The following CACNA2D3 variants were observed in gnomAD, a reference collection of about 807,000 sequenced individuals.
The protein encoded by CACNA2D3 is voltage-dependent calcium channel subunit alpha-2/delta-3.
A neutral mutation model predicts 160.6 loss-of-function variants in CACNA2D3; 60 were observed. The observed-to-expected ratio is 0.37, with a 90% CI of 0.30 to 0.46. The LOEUF (loss-of-function observed/expected upper bound fraction) is 0.46. CACNA2D3 is among the 20% of genes least tolerant of loss of function. The pLI is 1.00. For missense variants in CACNA2D3, 1,205 were observed against 1,365.0 expected (o/e 0.88, Z 1.85); for synonymous variants, 558 against 492.9 (o/e 1.13, Z -1.75).
At chr3:55,051,775 C>T (rs1015146934) in intron 35 of CACNA2D3, among the ~76,000 whole-genome samples, 1 of 152,146 alleles carries the variant, frequency 6.6e-6, no homozygotes, top group Non-Finnish European at 1.5e-5. Flanking sequence ...GGCGTAGGAC[C>T]CTCCGAGCCA....
intron 32 of CACNA2D3, among the ~76,000 whole-genome samples, chr3:55,007,307 A>T: frequency 6.6e-6 from 1 of 152,230 alleles, no homozygotes; most frequent in East Asian, 1.9e-4. Flanking sequence ...TAAATCCTAC[A>T]TAATTCGTGG....
intron 2 of CACNA2D3, among the ~76,000 whole-genome samples, chr3:54,130,984 C>T (rs1699694143): frequency 6.6e-6 from 1 of 152,250 alleles, no homozygotes. Context: ...CCAGTACCTT[C>T]TATCTTATAG....
In CACNA2D3 at chr3:54,786,030, T is replaced by C. The variant is rs73061754; in HGVS notation, c.1380+21679T>C. Among the ~76,000 whole-genome samples, 312 of 152,312 alleles carry C rather than the reference T, an allele frequency of 2.0e-3. 3 individuals carry two copies. The highest frequency in any genetic ancestry group is 3.7e-3 in the Non-Finnish European group (249 of 68,028). ...GCCACCCTCTGCCATCATGGTCCTT[T>C]CTTGTTTCCTGGCTAACACTTACCT... On this transcript the variant is annotated intron_variant, in intron 13 of 37. Coordinates refer to ENST00000474759, the MANE Select transcript of CACNA2D3 (RefSeq NM_018398.3).
intron 5 of CACNA2D3, among the ~76,000 whole-genome samples, chr3:54,524,848 A>G (rs1268321902): frequency 6.6e-6 from 1 of 152,066 alleles, no homozygotes; most frequent in Non-Finnish European, 1.5e-5. Context: ...TGTTTCCATA[A>G]TACACTTTTC....
intron 35 of CACNA2D3, among the ~76,000 whole-genome samples, chr3:55,033,592 A>G (rs778762324): frequency 0.27 from 36,525 of 137,530 alleles, 4,958 homozygotes; most frequent in Admixed American, 0.33. Flanking sequence ...GTGTATATAT[A>G]TATATATATA....
intron 17 of CACNA2D3, among the ~76,000 whole-genome samples, chr3:54,860,561 A>G (rs1361561564): frequency 6.6e-6 from 1 of 152,230 alleles, no homozygotes; most frequent in Non-Finnish European, 1.5e-5. Context: ...ATATATTTAA[A>G]GGGAAGATTC....
chr3:54,268,766 G>A (rs1382448678), intron 2 of CACNA2D3, among the ~76,000 whole-genome samples: 1 of 152,100 alleles, frequency 6.6e-6, no homozygotes, highest in Non-Finnish European at 1.5e-5. Context: ...ACTTGTTCAG[G>A]GTCACCCAGC....
chr3:54,887,152 G>C (rs970693581), intron 23 of CACNA2D3, among the ~76,000 whole-genome samples: 1 of 152,078 alleles, frequency 6.6e-6, no homozygotes, highest in African/African-American at 2.4e-5. Flanking sequence ...TTGGCCGAGC[G>C]TGGTGGCTCA....
chr3:54,754,518 G>T (rs1252070340), intron 12 of CACNA2D3, among the ~76,000 whole-genome samples: 1 of 152,110 alleles, frequency 6.6e-6, no homozygotes, highest in Admixed American at 6.6e-5. Flanking sequence ...GGTCCTGTTG[G>T]CCTCCCTTCT....
At chr3:54,891,579 G>A (rs1165527836) in intron 25 of CACNA2D3, 129 bp downstream of exon 25, 6 of 714,486 alleles carry the variant, frequency 8.4e-6, no homozygotes, top group Non-Finnish European at 1.4e-5. Context: ...GGCCTATTGA[G>A]ATTTTTCCTC....
chr3:55,051,674 C>T (rs1358727389), intron 35 of CACNA2D3, among the ~76,000 whole-genome samples: 4 of 152,210 alleles, frequency 2.6e-5, no homozygotes, highest in Non-Finnish European at 4.4e-5. Flanking sequence ...CTAAGCAAGC[C>T]TGGGCAATGG....
chr3:54,139,539 A>T (rs1291787503), intron 2 of CACNA2D3, among the ~76,000 whole-genome samples: 2 of 152,164 alleles, frequency 1.3e-5, no homozygotes, highest in African/African-American at 2.4e-5. Flanking sequence ...TCATTCTTAG[A>T]GTTGTGTATG....
intron 10 of CACNA2D3, among the ~76,000 whole-genome samples, chr3:54,630,075 TTC>T (rs1194955666): frequency 6.6e-6 from 1 of 152,100 alleles, no homozygotes; most frequent in Admixed American, 6.5e-5. Flanking sequence ...GTGCGGAGCT[TTC>T]TTAGTGTAAT....
At chr3:54,297,716 A>C (rs1703373562) in intron 2 of CACNA2D3, among the ~76,000 whole-genome samples, 1 of 148,500 alleles carries the variant, frequency 6.7e-6, no homozygotes, top group East Asian at 1.9e-4. Flanking sequence ...CGCCACCAAA[A>C]AAAAAAAAAA....
At chr3:54,829,962 T>C (rs931165320) in intron 14 of CACNA2D3, among the ~76,000 whole-genome samples, 2 of 132,750 alleles carry the variant, frequency 1.5e-5, no homozygotes, top group Non-Finnish European at 3.1e-5. Context: ...TGGCAAGATC[T>C]CAGGTCACTG....
intron 2 of CACNA2D3, among the ~76,000 whole-genome samples, chr3:54,279,925 T>G (rs1702832133): frequency 6.6e-6 from 1 of 152,152 alleles, no homozygotes; most frequent in Non-Finnish European, 1.5e-5. Context: ...AAAGGTTCCC[T>G]AAACTGAATT....
At chr3:54,666,702 T>C (rs970683734) in intron 11 of CACNA2D3, among the ~76,000 whole-genome samples, 1 of 152,182 alleles carries the variant, frequency 6.6e-6, no homozygotes, top group Non-Finnish European at 1.5e-5. Context: ...AAAATATATG[T>C]ATAGAAAGAA....
chr3:54,806,755 A>T (rs1703139184), intron 13 of CACNA2D3, among the ~76,000 whole-genome samples: 1 of 152,096 alleles, frequency 6.6e-6, no homozygotes, highest in African/African-American at 2.4e-5. Flanking sequence ...AGTCAATCCT[A>T]AGCCAAAAGA....
chr3:54,163,927 T>G (rs1470714240), intron 2 of CACNA2D3, among the ~76,000 whole-genome samples: 1 of 152,180 alleles, frequency 6.6e-6, no homozygotes, highest in African/African-American at 2.4e-5. Context: ...ACAGCTCATT[T>G]TGGTACAGTG....
Sources: gnomAD v4.1 joint callset for allele counts (sites outside exome capture counted in the v4.1 genomes callset) on GRCh38, gnomAD v4.1.1 for gene constraint, MANE v1.5 for transcripts, NCBI Gene and HGNC (gene_info 2026-07-23, HGNC 2026-07-21) for gene names.